Variants in GTF3C1 observed in about 807,000 individuals in gnomAD.
GTF3C1 encodes the protein general transcription factor IIIC subunit 1, also known as general transcription factor 3C polypeptide 1.
Under a neutral mutation model 226.7 loss-of-function variants are expected in GTF3C1, and 57 were observed. That is an observed-to-expected ratio of 0.25 (90% CI 0.20 to 0.31). The LOEUF (loss-of-function observed/expected upper bound fraction) is 0.31, where lower values mean the gene tolerates loss of function less well. Among genes scored for constraint, GTF3C1 ranks in the 10% least tolerant of loss-of-function variants. The pLI is 1.00. For missense variants in GTF3C1, 2,217 were observed against 2,776.1 expected, an observed-to-expected ratio of 0.80 and a Z score of 4.53; for synonymous variants, 1,090 against 1,084.8, an observed-to-expected ratio of 1.00 and a Z score of -0.09.
intron 4 of GTF3C1, among the ~76,000 whole-genome samples, chr16:27,536,321 G>A (rs1171609544): frequency 2.0e-5 from 3 of 152,194 alleles, no homozygotes; most frequent in South Asian, 2.1e-4. Flanking sequence ...AGCTGGGCAC[G>A]GTGGCTGACG....
At chr16:27,473,765 C>T (rs1217518428) in intron 29 of GTF3C1, among the ~76,000 whole-genome samples, 1 of 152,218 alleles carries the variant, frequency 6.6e-6, no homozygotes, top group Non-Finnish European at 1.5e-5. Context: ...CTAGACAGCA[C>T]CTGTGCGCCA....
At position 27,543,245 on chromosome 16, in the gene GTF3C1, G is replaced by A. The variant is rs549452676; in HGVS notation, c.431+2069C>T. Among the ~76,000 whole-genome samples the A allele has an allele frequency of 1.8e-4, 27 of 152,290 alleles. No individual in the cohort carries two copies. In the South Asian group the frequency reaches 5.4e-3, roughly 30 times the overall value. On this transcript the variant is annotated intron_variant, in intron 2 of 36. Transcript: ENST00000356183. The stretch of plus-strand genomic sequence containing the variant: ...TACTAAAAATACAAAAATAAGCTGG[G>A]CGTGGTGGCATGCACCTGTAATCCC...
At chr16:27,533,249 C>T in intron 5 of GTF3C1, 42 bp downstream of exon 5, 3 of 973,552 alleles carry the variant, frequency 3.1e-6, no homozygotes, top group East Asian at 2.4e-5. Flanking sequence ...GGCTATGGTA[C>T]AGATCACACC....
chr16:27,505,533 C>G (rs1167353206), intron 10 of GTF3C1, among the ~76,000 whole-genome samples: 2 of 152,208 alleles, frequency 1.3e-5, no homozygotes, highest in Non-Finnish European at 2.9e-5. Flanking sequence ...AATGCCAATC[C>G]TGACTCCATA....
intron 27 of GTF3C1, 75 bp downstream of exon 27, chr16:27,481,004 T>C (rs2088036278): frequency 8.1e-7 from 1 of 1,240,436 alleles, no homozygotes; most frequent in South Asian, 1.2e-5. Context: ...CCGGACCTGC[T>C]GATAAGGGAG....
rs1041227916 is a variant in GTF3C1, at chr16:27,471,625, C to T, written c.4526+123G>A. 3.6e-5 allele frequency: 27 copies of T among 748,000 alleles called. No individual in the cohort carries two copies. In the Admixed American group the frequency reaches 4.2e-4, roughly 12 times the overall value. 46.3% of individuals were successfully genotyped at this position (748,000 alleles called of 1,614,324 possible). A position where few individuals can be genotyped will look rare whatever the true frequency, so the allele number is the denominator to read the frequency against. On this transcript the variant is annotated intron_variant, in intron 30 of 36. Coordinates refer to ENST00000356183, the MANE Select transcript of GTF3C1 (RefSeq NM_001520.4). The surrounding 1 kb of genome is among the most constrained non-coding windows in gnomAD (Gnocchi z 5.0). ...AGGAAACCCAAGCCGGCATCTTGCACATGAGGCTGCGAAGGTCCCTGGCTC... is the reference window on the plus strand; with the variant it reads ...AGGAAACCCAAGCCGGCATCTTGCATATGAGGCTGCGAAGGTCCCTGGCTC...
In GTF3C1 at chr16:27,462,870, G is replaced by A. The variant is rs1382958424; in HGVS notation, c.5925-384C>T. 5 of 229,964 alleles carry A rather than the reference G, an allele frequency of 2.2e-5. No individual in the cohort carries two copies. Among genetic ancestry groups the A allele is most frequent in the East Asian group, 9.4e-5 (1 of 10,688 alleles). The allele number at this position is 229,964 out of a possible 1,614,324, so 14.2% of individuals were successfully genotyped here. A position where few individuals can be genotyped will look rare whatever the true frequency, so the allele number is the denominator to read the frequency against. On this transcript the variant is annotated intron_variant, in intron 35 of 36. Coordinates refer to ENST00000356183, the MANE Select transcript of GTF3C1 (RefSeq NM_001520.4). This position sits in a 1 kb window ranked among gnomAD's most constrained non-coding sequence, Gnocchi z 4.5. ...GCGTGACCCTGAAGCTCTGCTCCACGCCATGTGCAGAGTTCCAGGCACACT... is the reference window on the plus strand; with the variant it reads ...GCGTGACCCTGAAGCTCTGCTCCACACCATGTGCAGAGTTCCAGGCACACT...
At chr16:27,543,421 C>T (rs1173847258) in intron 2 of GTF3C1, among the ~76,000 whole-genome samples, 6 of 152,156 alleles carry the variant, frequency 3.9e-5, no homozygotes, top group South Asian at 2.1e-4. Flanking sequence ...GATCGGGTCA[C>T]GCTCTATTGT....
In GTF3C1 at chr16:27,507,261, C is replaced by T; in HGVS notation, c.1243-105G>A. The T allele has an allele frequency of 1.1e-6, 1 of 876,456 alleles. No individual in the cohort carries two copies. Among genetic ancestry groups the T allele is most frequent in the Non-Finnish European group, 1.8e-6 (1 of 567,722 alleles). The allele number at this position is 876,456 out of a possible 1,614,324, so 54.3% of individuals were successfully genotyped here. On this transcript the variant is annotated intron_variant, in intron 8 of 36. Coordinates refer to ENST00000356183, the MANE Select transcript of GTF3C1 (RefSeq NM_001520.4). This position sits in a 1 kb window ranked among gnomAD's most constrained non-coding sequence, Gnocchi z 4.9. ...TTTCCTTATTGGCTTTCTTCTGTTT[C>T]TCCTGTCTTACTGCCTGGGCCCTGG...
chr16:27,519,170 G>A (rs1229204684), intron 6 of GTF3C1, among the ~76,000 whole-genome samples: 1 of 152,128 alleles, frequency 6.6e-6, no homozygotes, highest in Non-Finnish European at 1.5e-5. Flanking sequence ...GGCAGAAGAA[G>A]ACAGGTGTTC....
intron 6 of GTF3C1, among the ~76,000 whole-genome samples, chr16:27,524,957 C>G (rs1477131029): frequency 6.6e-6 from 1 of 152,104 alleles, no homozygotes; most frequent in Non-Finnish European, 1.5e-5. Flanking sequence ...GGTTCAAGAC[C>G]AGCCTGGCCA....
In GTF3C1 at chr16:27,503,007, A is replaced by C. The variant is rs1217778291; in HGVS notation, c.1771-12T>G. ...GAACTGCTACTCTCCTAGAACAGAG[A>C]CCGAAAGCACAAGATGCAATGGGCT... is the stretch of plus-strand genomic sequence containing the variant. On this transcript the variant is annotated splice_polypyrimidine_tract_variant and intron_variant, in intron 10 of 36. Coordinates refer to ENST00000356183, the MANE Select transcript of GTF3C1 (RefSeq NM_001520.4). The C allele has an allele frequency of 2.5e-6, 4 of 1,610,168 alleles. No homozygotes were observed. The East Asian group carries it at 6.7e-5, about 27-fold the overall frequency.
chr16:27,547,019 G>A (rs1308071964), intron 1 of GTF3C1, among the ~76,000 whole-genome samples: 1 of 152,082 alleles, frequency 6.6e-6, no homozygotes, highest in Non-Finnish European at 1.5e-5. Flanking sequence ...TGGGATTACA[G>A]GCATGATTCA....
At chr16:27,484,612 G>A (rs2088106771) in intron 24 of GTF3C1, among the ~76,000 whole-genome samples, 1 of 152,148 alleles carries the variant, frequency 6.6e-6, no homozygotes, top group South Asian at 2.1e-4. Flanking sequence ...TGTGACAAAG[G>A]TGCCCAACGG....
chr16:27,507,304 C>T lies in GTF3C1; in HGVS notation c.1243-148G>A. On this transcript the variant is annotated intron_variant, in intron 8 of 36. Transcript: ENST00000356183. This position sits in a 1 kb window ranked among gnomAD's most constrained non-coding sequence, Gnocchi z 4.9. ...GGCCCTGGGTTGGGCACCACTGATG[C>T]TCCCTCCAGGCTCTTCCTCTCTGTA... is the stretch of plus-strand genomic sequence containing the variant. 1 of 618,670 alleles carries T rather than the reference C, an allele frequency of 1.6e-6. No individual in the cohort carries two copies. Among genetic ancestry groups the T allele is most frequent in the South Asian group, 2.0e-5 (1 of 49,536 alleles). 38.3% of individuals were successfully genotyped at this position (618,670 alleles called of 1,614,324 possible).
rs774148740 is a variant in GTF3C1, at chr16:27,463,575, C to T, written c.5890G>A (p.Gly1964Arg). Residue 1964 changes from glycine (G) to arginine (R), a missense_variant, in exon 35 of 37, where the codon GGA becomes AGA. Physicochemically the swap from Gly to Arg is moderately radical, Grantham distance 125. Around this residue, in one of 12 missense-constraint regions of GTF3C1, gnomAD observed 455 missense variants for 441.9 expected, o/e 1.03. Coordinates refer to ENST00000356183, the MANE Select transcript of GTF3C1 (RefSeq NM_001520.4). This position sits in a 1 kb window ranked among gnomAD's most constrained non-coding sequence, Gnocchi z 4.9. Reference protein sequence around the residue: ...EDPRGFTESFGAANISQAARE... With the variant: ...EDPRGFTESFRAANISQAARE... ...GCTGCCTGGGAGATGTTGGCAGCTC[C>T]GAAACTCTCTGTGAACCCTGAGGGA... 9.4e-6 allele frequency: 15 copies of T among 1,603,102 alleles called. No homozygotes were observed. Among genetic ancestry groups the T allele is most frequent in the African/African-American group, 6.7e-5 (5 of 74,714 alleles).
intron 28 of GTF3C1, among the ~76,000 whole-genome samples, chr16:27,477,342 T>C (rs552480076): frequency 6.6e-6 from 1 of 151,506 alleles, no homozygotes; most frequent in African/African-American, 2.4e-5. Context: ...GTTTTGCTCA[T>C]GTCGCCCAGG....
At chr16:27,484,595 C>T (rs966048185) in intron 24 of GTF3C1, among the ~76,000 whole-genome samples, 5 of 152,066 alleles carry the variant, frequency 3.3e-5, no homozygotes, top group Non-Finnish European at 7.4e-5. Flanking sequence ...TTTTAGCAAG[C>T]GCCATGTGTG....
chr16:27,461,271 C>A lies in GTF3C1; in HGVS notation c.*79G>T. The A allele has an allele frequency of 1.1e-6, 1 of 899,194 alleles. No individual in the cohort carries two copies. The highest frequency in any genetic ancestry group is 1.7e-6 in the Non-Finnish European group (1 of 579,024). 55.7% of individuals were successfully genotyped at this position (899,194 alleles called of 1,614,324 possible). ...AGGCTCGGCAGACCCAAGGCCAGGGCACAGTGGGGTCTGCCGAGCACCAGG... is the reference window on the plus strand; with the variant it reads ...AGGCTCGGCAGACCCAAGGCCAGGGAACAGTGGGGTCTGCCGAGCACCAGG... On this transcript the variant is annotated 3_prime_UTR_variant, in exon 37 of 37. Coordinates refer to ENST00000356183, the MANE Select transcript of GTF3C1 (RefSeq NM_001520.4). This position sits in a 1 kb window ranked among gnomAD's most constrained non-coding sequence, Gnocchi z 5.3.
Sources: gnomAD v4.1 joint callset for allele counts (sites outside exome capture counted in the v4.1 genomes callset) on GRCh38, gnomAD v4.1.1 for gene constraint, gnomAD v4.1.1 regional missense constraint, Gnocchi (gnomAD v3.1) non-coding constraint, MANE v1.5 for transcripts, NCBI Gene and HGNC (gene_info 2026-07-23, HGNC 2026-07-21) for gene names.